The following ARHGAP26 variants were observed in gnomAD, a reference collection of about 807,000 sequenced individuals.
The protein encoded by ARHGAP26 is Rho GTPase activating protein 26, also known as rho GTPase-activating protein 26.
Under a neutral mutation model 104.8 loss-of-function variants are expected in ARHGAP26, and 38 were observed. The ratio of observed to expected loss-of-function variants is 0.36; its 90% CI spans 0.28 to 0.48. The LOEUF (loss-of-function observed/expected upper bound fraction) is 0.48. Ranked by LOEUF, ARHGAP26 falls within the 20% of genes least tolerant of loss-of-function variation. ARHGAP26 has a pLI of 0.99. For synonymous variants in ARHGAP26, 341 were observed against 340.0 expected, an observed-to-expected ratio of 1.00 and a Z score of -0.03; for missense variants, 704 against 947.9, an observed-to-expected ratio of 0.74 and a Z score of 3.38.
chr5:142,798,352 C>A (rs149563364), intron 1 of ARHGAP26, among the ~76,000 whole-genome samples: 1 of 152,178 alleles, frequency 6.6e-6, no homozygotes, highest in Non-Finnish European at 1.5e-5. Context: ...AGCATTCCTC[C>A]GCTTCCCTTC....
intron 10 of ARHGAP26, among the ~76,000 whole-genome samples, chr5:142,923,852 A>G (rs1377868450): frequency 1.4e-5 from 2 of 144,456 alleles, no homozygotes; most frequent in Non-Finnish European, 3.0e-5. Flanking sequence ...TATTAGGATC[A>G]GATCCTTTTT....
chr5:143,222,260 CA>C, intron 22 of ARHGAP26, 97 bp from the exon 23 acceptor site: 1 of 375,478 alleles, frequency 2.7e-6, no homozygotes, highest in South Asian at 6.5e-5. Context: ...CACACACACA[CA>C]CACACACACA....
Position 143,159,874 on chromosome 5 carries a change from C to T in ARHGAP26, c.1988+12493C>T, listed in dbSNP as rs191400679. On this transcript the variant is annotated intron_variant, in intron 20 of 22. Transcript: ENST00000645722. Reference sequence around the variant, plus strand: ...AGGCAGATGGGATGGTGATCTGTGGCGGAAGGAACACTGCCTTTTCATTTT... The same window carrying T: ...AGGCAGATGGGATGGTGATCTGTGGTGGAAGGAACACTGCCTTTTCATTTT... Among the ~76,000 whole-genome samples, 46 of 150,792 alleles carry T rather than the reference C, an allele frequency of 3.1e-4. No individual in the cohort carries two copies. The East Asian group carries it at 7.8e-3, about 26-fold the overall frequency.
chr5:142,808,962 G>T (rs1763557389), intron 1 of ARHGAP26, among the ~76,000 whole-genome samples: 1 of 152,136 alleles, frequency 6.6e-6, no homozygotes, highest in Non-Finnish European at 1.5e-5. Context: ...CTAATACTCT[G>T]GCACCTTGCC....
At chr5:143,166,060 T>C (rs1378671808) in intron 20 of ARHGAP26, 2 of 1,324,208 alleles carry the variant, frequency 1.5e-6, no homozygotes, top group East Asian at 4.3e-5. Flanking sequence ...TGGAGGGTTG[T>C]ACTGAGGTGC....
At chr5:142,929,712 C>T (rs1476346730) in intron 10 of ARHGAP26, among the ~76,000 whole-genome samples, 1 of 152,208 alleles carries the variant, frequency 6.6e-6, no homozygotes, top group Non-Finnish European at 1.5e-5. Context: ...CTGAGGTTGT[C>T]GAACTTCCTC....
chr5:142,864,136 C>A (rs376773182), intron 1 of ARHGAP26, among the ~76,000 whole-genome samples: 72 of 152,188 alleles, frequency 4.7e-4, no homozygotes, highest in African/African-American at 1.3e-3. Flanking sequence ...TTTCTAGAAA[C>A]GTGTCTACCT....
At chr5:143,090,753 A>G (rs185810629) in intron 17 of ARHGAP26, among the ~76,000 whole-genome samples, 119 of 152,306 alleles carry the variant, frequency 7.8e-4, no homozygotes, top group African/African-American at 2.6e-3. Context: ...CCTGTTGGCA[A>G]TTCATTCTTG....
At chr5:143,064,099 C>T (rs1219078406) in intron 17 of ARHGAP26, among the ~76,000 whole-genome samples, 5 of 152,064 alleles carry the variant, frequency 3.3e-5, no homozygotes, top group Middle Eastern at 6.8e-3. Context: ...TTAAAGGGGG[C>T]GATTTTACTT....
intron 13 of ARHGAP26, 94 bp from the exon 14 acceptor site, chr5:143,041,722 G>GAAGA: frequency 1.6e-6 from 1 of 641,970 alleles, no homozygotes; most frequent in East Asian, 3.2e-5. Context: ...CTGAGAAAAT[G>GAAGA]AAAAAAAAAA....
chr5:142,954,107 A>G (rs532015408), intron 11 of ARHGAP26, among the ~76,000 whole-genome samples: 3 of 152,366 alleles, frequency 2.0e-5, no homozygotes, highest in Admixed American at 2.0e-4. Context: ...CTAACCCCAC[A>G]GCCCATCTCT....
intron 1 of ARHGAP26, among the ~76,000 whole-genome samples, chr5:142,842,855 T>A (rs1771080735): frequency 6.6e-6 from 1 of 152,234 alleles, no homozygotes; most frequent in Non-Finnish European, 1.5e-5. Flanking sequence ...ATAATTGTCT[T>A]ATGTGTGGAG....
chr5:142,934,717 T>C (rs1384073873), intron 11 of ARHGAP26, among the ~76,000 whole-genome samples: 1 of 152,160 alleles, frequency 6.6e-6, no homozygotes, highest in African/African-American at 2.4e-5. Context: ...TTTCCTGTTT[T>C]ATACTTCTAT....
intron 14 of ARHGAP26, among the ~76,000 whole-genome samples, chr5:143,053,857 T>A (rs1335682621): frequency 6.6e-6 from 1 of 152,246 alleles, no homozygotes; most frequent in Non-Finnish European, 1.5e-5. Context: ...TAGACATATC[T>A]TGTTTTTTTT....
At chr5:143,083,124 C>T (rs897548582) in intron 17 of ARHGAP26, among the ~76,000 whole-genome samples, 1 of 152,172 alleles carries the variant, frequency 6.6e-6, no homozygotes, top group African/African-American at 2.4e-5. Context: ...ACTTTTTCTT[C>T]GTCTTCTTCC....
At chr5:143,039,987 G>T (rs1163121251) in intron 13 of ARHGAP26, among the ~76,000 whole-genome samples, 1 of 152,202 alleles carries the variant, frequency 6.6e-6, no homozygotes, top group Non-Finnish European at 1.5e-5. Flanking sequence ...GGTATCTCCC[G>T]ATTGCAGTGT....
chr5:142,875,167 G>A lies in ARHGAP26; in HGVS notation c.308G>A (p.Arg103Gln), dbSNP rs761574373. Residue 103 changes from arginine (R) to glutamine (Q), a missense_variant, in exon 3 of 23, where the codon CGG (arginine) becomes CAG (glutamine). Around this residue, in one of 6 missense-constraint regions of ARHGAP26, gnomAD observed 106 missense variants for 120.5 expected, o/e 0.88. Coordinates refer to ENST00000645722, the MANE Select transcript of ARHGAP26 (RefSeq NM_001135608.3). ...VLRNLEDERI[R>Q]MIENASEVLI... Reference sequence around the variant, plus strand: ...AGGAATCTTGAAGATGAACGGATACGGATGGTGAGTAGGGCTGGGCTACTC... The same window carrying A: ...AGGAATCTTGAAGATGAACGGATACAGATGGTGAGTAGGGCTGGGCTACTC... 5 of 1,614,084 alleles carry A rather than the reference G, an allele frequency of 3.1e-6. No homozygotes were observed. Among genetic ancestry groups the A allele is most frequent in the South Asian group, 1.1e-5 (1 of 91,074 alleles).
intron 1 of ARHGAP26, among the ~76,000 whole-genome samples, chr5:142,783,732 G>GC (rs1757982472): frequency 6.6e-6 from 1 of 152,240 alleles, no homozygotes; most frequent in African/African-American, 2.4e-5. Context: ...AGGGCTGGAT[G>GC]ACTGGGCAGA....
rs1442001214 is a variant in ARHGAP26 at position 143,103,530 on chromosome 5, AC to A, written c.1539-17457del. ...TGCAGCACTGTTCACAATAGCAAAGACTTGGAACCAACCCAAATGCCCATGA... is the reference window on the plus strand; with the variant it reads ...TGCAGCACTGTTCACAATAGCAAAGATTGGAACCAACCCAAATGCCCATGA... On this transcript the variant is annotated intron_variant, in intron 17 of 22. Transcript: ENST00000645722. Among the ~76,000 whole-genome samples, 3 of 150,938 alleles carry A rather than the reference AC, an allele frequency of 2.0e-5. No homozygotes were observed. In the East Asian group the frequency reaches 5.8e-4, roughly 29 times the overall value.
Sources: allele counts gnomAD v4.1 joint callset (sites outside exome capture counted in the v4.1 genomes callset), GRCh38; gene constraint gnomAD v4.1.1; regional missense constraint gnomAD v4.1.1; transcripts MANE v1.5; gene names NCBI Gene and HGNC (gene_info 2026-07-23, HGNC 2026-07-21).